E2F5: variants seen among roughly 807,000 people sequenced by gnomAD.
E2F5 encodes E2F transcription factor 5.
Under a neutral mutation model 39.1 loss-of-function variants are expected in E2F5, and 23 were observed. The observed-to-expected ratio is 0.59, with a 90% CI of 0.42 to 0.83. The LOEUF is 0.83. Among genes scored for constraint, E2F5 ranks in the 40% least tolerant of loss-of-function variants. The probability of loss-of-function intolerance (pLI) is 0.00; values close to 1 mark genes in which losing one functional copy is unlikely to be tolerated. For synonymous variants in E2F5, 145 were observed against 157.8 expected, an observed-to-expected ratio of 0.92 and a Z score of 0.61; for missense variants, 365 against 406.7, an observed-to-expected ratio of 0.90 and a Z score of 0.88.
chr8:85,191,862 C>A (rs1812473814), intron 1 of E2F5, among the ~76,000 whole-genome samples: 1 of 152,128 alleles, frequency 6.6e-6, no homozygotes, highest in African/African-American at 2.4e-5. Context: ...CAACAAATAG[C>A]TATTAGTTTT....
intron 1 of E2F5, among the ~76,000 whole-genome samples, chr8:85,200,048 A>C (rs1812660422): frequency 6.6e-6 from 1 of 152,132 alleles, no homozygotes; most frequent in Admixed American, 6.5e-5. Flanking sequence ...GGAGCTCAAG[A>C]CCAGCCTGGC....
chr8:85,194,502 T>A (rs1314488027), intron 1 of E2F5, among the ~76,000 whole-genome samples: 1 of 151,592 alleles, frequency 6.6e-6, no homozygotes, highest in Non-Finnish European at 1.5e-5. Flanking sequence ...TAACTTAGGT[T>A]TATCTCTTTG....
intron 4 of E2F5, 29 bp from the exon 5 acceptor site, chr8:85,207,396 T>C: frequency 6.5e-7 from 1 of 1,540,274 alleles, no homozygotes. Context: ...CAGTATTTTA[T>C]GTAACTTTTT....
At chr8:85,209,492 C>A in intron 6 of E2F5, 83 bp downstream of exon 6, 1 of 1,438,910 alleles carries the variant, frequency 6.9e-7, no homozygotes, top group South Asian at 1.4e-5. Context: ...GTGCTTGTGA[C>A]CAGAAATGTC....
intron 6 of E2F5, among the ~76,000 whole-genome samples, chr8:85,210,629 C>T (rs890317483): frequency 1.0e-4 from 15 of 150,342 alleles, no homozygotes; most frequent in Non-Finnish European, 1.9e-4. Flanking sequence ...TGCAGTGAGC[C>T]GAGATCGCAC....
At chr8:85,208,097 G>A (rs1812835068) in intron 5 of E2F5, among the ~76,000 whole-genome samples, 1 of 152,170 alleles carries the variant, frequency 6.6e-6, no homozygotes, top group South Asian at 2.1e-4. Context: ...GGGAGGCCAA[G>A]GCAGGTGGAT....
chr8:85,210,420 G>GT lies in E2F5; in HGVS notation c.883+1012dup, dbSNP rs555422575. On this transcript the variant is annotated intron_variant, in intron 6 of 7. Coordinates refer to ENST00000416274, the MANE Select transcript of E2F5 (RefSeq NM_001951.4). ...TGGCTGGGCGTGGTGGCTCACAACT[G>GT]TAATCCCAGCACTTAGGGAAGCCAA... 2.8e-4 allele frequency among the ~76,000 whole-genome samples: 43 copies of GT among 152,244 alleles called. No individual in the cohort carries two copies. In the East Asian group the frequency reaches 3.9e-3, roughly 14 times the overall value.
chr8:85,183,549 A>G (rs1427358898), intron 1 of E2F5, among the ~76,000 whole-genome samples: 1 of 152,266 alleles, frequency 6.6e-6, no homozygotes, highest in Non-Finnish European at 1.5e-5. Context: ...GTATATATAC[A>G]ATGGAATATT....
intron 1 of E2F5, among the ~76,000 whole-genome samples, chr8:85,183,551 T>C (rs908180159): frequency 6.6e-6 from 1 of 152,230 alleles, no homozygotes; most frequent in African/African-American, 2.4e-5. Flanking sequence ...ATATATACAA[T>C]GGAATATTCT....
intron 1 of E2F5, among the ~76,000 whole-genome samples, chr8:85,195,094 A>G (rs1317949799): frequency 1.3e-5 from 2 of 151,902 alleles, no homozygotes; most frequent in African/African-American, 4.8e-5. Flanking sequence ...GGTGAGGTTA[A>G]AATATGGAGG....
intron 1 of E2F5, among the ~76,000 whole-genome samples, chr8:85,189,002 A>T (rs941243601): frequency 3.3e-5 from 5 of 152,082 alleles, no homozygotes; most frequent in Non-Finnish European, 1.5e-5. Context: ...ATGCTTGTTC[A>T]AATTGGTGTT....
chr8:85,183,516 G>A (rs773801444), intron 1 of E2F5, among the ~76,000 whole-genome samples: 3 of 152,212 alleles, frequency 2.0e-5, no homozygotes, highest in Non-Finnish European at 2.9e-5. Context: ...TCCGTCAATA[G>A]ATGAGTAGCT....
chr8:85,190,772 G>C (rs974003591), intron 1 of E2F5, among the ~76,000 whole-genome samples: 9 of 152,028 alleles, frequency 5.9e-5, no homozygotes, highest in South Asian at 2.1e-4. Flanking sequence ...CTAAAATGCT[G>C]GGATTACAGG....
rs1370259357 is a variant in E2F5, at chr8:85,202,210, GGAATTGACTTGATTGAAA to G, written c.299_316del (p.Gly100_Lys106delinsGlu). ...TTATGATATCACCAATGTCTTAGAG[GGAATTGACTTGATTGAAA>G]AAAAGTCAAAAAACAGTATCCAGTG... On this transcript the variant is annotated inframe_deletion, in exon 2 of 8. Transcript: ENST00000416274. The G allele has an allele frequency of 6.2e-7, 1 of 1,612,144 alleles. No homozygotes were observed.
chr8:85,200,236 G>T, intron 1 of E2F5: 2 of 861,274 alleles, frequency 2.3e-6, no homozygotes, highest in South Asian at 1.1e-4. Flanking sequence ...AAGAGAGGGA[G>T]ACTCTGTCTC....
chr8:85,207,490 G>A lies in E2F5; in HGVS notation c.615+1G>A. ...ACTGGAGGTACCCATTCCAGAAATG[G>A]TATGTAGGATAACTTATGTTTATAT... On this transcript the variant is annotated splice_donor_variant, in intron 5 of 7. Coordinates refer to ENST00000416274, the MANE Select transcript of E2F5 (RefSeq NM_001951.4). LOFTEE classifies it high-confidence loss of function. 6.4e-7 allele frequency: 1 copy of A among 1,554,752 alleles called. No homozygotes were observed. The highest frequency in any genetic ancestry group is 8.7e-7 in the Non-Finnish European group (1 of 1,148,446).
In E2F5 at chr8:85,209,396, A is replaced by G; in HGVS notation, c.870A>G (p.Thr290=). 1 of 1,610,060 alleles carries G rather than the reference A, an allele frequency of 6.2e-7. No homozygotes were observed. Among genetic ancestry groups the G allele is most frequent in the Non-Finnish European group, 8.5e-7 (1 of 1,177,862 alleles). The change falls in exon 6 of 8, where the codon ACA becomes ACG. Residue 290 remains threonine, a synonymous_variant. Transcript: ENST00000416274. ...AGGCTCTGCAGCAGACATCAGCTACAGATATATCTTCAGGTGGGTTCAGAG... is the reference window on the plus strand; with the variant it reads ...AGGCTCTGCAGCAGACATCAGCTACGGATATATCTTCAGGTGGGTTCAGAG... The part of the protein sequence containing the change: ...RSQALQQTSA[T]DISSAGSISG...
chr8:85,203,751 G>C (rs1219624462), intron 3 of E2F5, among the ~76,000 whole-genome samples: 2 of 150,522 alleles, frequency 1.3e-5, no homozygotes, highest in Non-Finnish European at 1.5e-5. Flanking sequence ...TGGAGAACAG[G>C]GGTCTAAGTC....
chr8:85,187,424 C>G lies in E2F5; in HGVS notation c.234+9770C>G, dbSNP rs11994774. On this transcript the variant is annotated intron_variant, in intron 1 of 7. Transcript: ENST00000416274. Reference sequence around the variant, plus strand: ...ACTATTGTTGTATTACTGTTTATCTCTCCCTTCAGATTTATTAATGTTTTC... The same window carrying G: ...ACTATTGTTGTATTACTGTTTATCTGTCCCTTCAGATTTATTAATGTTTTC... 5.2e-3 allele frequency among the ~76,000 whole-genome samples: 787 copies of G among 152,200 alleles called. 9 individuals carry two copies. Among genetic ancestry groups the G allele is most frequent in the African/African-American group, 0.018 (745 of 41,544 alleles).
Sources: gnomAD v4.1 joint callset for allele counts (sites outside exome capture counted in the v4.1 genomes callset) on GRCh38, gnomAD v4.1.1 for gene constraint, MANE v1.5 for transcripts, NCBI Gene and HGNC (gene_info 2026-07-23, HGNC 2026-07-21) for gene names.